Variants in GAK observed in about 807,000 individuals in gnomAD.
GAK encodes the protein cyclin G associated kinase.
GAK carries 79 observed loss-of-function variants against 143.9 expected under a neutral mutation model. The observed-to-expected ratio is 0.55, with a 90% CI of 0.46 to 0.66. The LOEUF (loss-of-function observed/expected upper bound fraction) is 0.66. GAK is among the 30% of genes least tolerant of loss of function. GAK has a pLI of 0.00. For synonymous variants in GAK, 881 were observed against 765.5 expected, an observed-to-expected ratio of 1.15 and a Z score of -2.49; for missense variants, 1,693 against 1,779.7, an observed-to-expected ratio of 0.95 and a Z score of 0.88.
chr4:866,771 G>A (rs1351947761), intron 21 of GAK, among the ~76,000 whole-genome samples, 185 bp downstream of exon 21: 1 of 152,180 alleles, frequency 6.6e-6, no homozygotes, highest in African/African-American at 2.4e-5. Flanking sequence ...GTAGCTCCCG[G>A]CCCGTGAGCT....
intron 7 of GAK, among the ~76,000 whole-genome samples, chr4:895,333 T>C (rs533628708): frequency 1.3e-5 from 2 of 152,302 alleles, no homozygotes; most frequent in Admixed American, 6.5e-5. Context: ...ATCAGGATCT[T>C]ATCCAGCCAA....
intron 1 of GAK, among the ~76,000 whole-genome samples, chr4:923,585 G>A (rs1724225760): frequency 6.6e-6 from 1 of 152,170 alleles, no homozygotes; most frequent in Admixed American, 6.5e-5. Flanking sequence ...TGAGGTGGGA[G>A]GATCGCTTGA....
At chr4:905,926 G>A (rs1466176593) in intron 4 of GAK, among the ~76,000 whole-genome samples, 1 of 152,250 alleles carries the variant, frequency 6.6e-6, no homozygotes, top group Non-Finnish European at 1.5e-5. Context: ...CCAGTGGCAG[G>A]GGTGGGCTCG....
At chr4:890,827 G>A (rs544212538) in intron 9 of GAK, among the ~76,000 whole-genome samples, 2 of 152,192 alleles carry the variant, frequency 1.3e-5, no homozygotes, top group Admixed American at 6.5e-5. Flanking sequence ...CTCACCCCGC[G>A]GCCTGCCTCG....
intron 7 of GAK, chr4:894,711 A>G (rs28410128): frequency 0.15 from 22,217 of 152,252 alleles, 1,743 homozygotes; most frequent in South Asian, 0.22. Context: ...GGCCGGGCGC[A>G]GTGGCTCACG....
chr4:926,382 G>A (rs184147943), intron 1 of GAK, among the ~76,000 whole-genome samples: 6 of 152,282 alleles, frequency 3.9e-5, no homozygotes, highest in East Asian at 1.9e-4. Context: ...GGCACAATGC[G>A]CAGAGCAACG....
In GAK at chr4:865,184, C is replaced by T; in HGVS notation, c.3104G>A (p.Gly1035Glu). The T allele has an allele frequency of 6.2e-7, 1 of 1,613,214 alleles. No individual in the cohort carries two copies. Among genetic ancestry groups the T allele is most frequent in the East Asian group, 2.2e-5 (1 of 44,866 alleles). Residue 1035 changes from glycine (G) to glutamate (E), a missense_variant, in exon 23 of 28, where the codon GGA (glycine) becomes GAA (glutamate). By Grantham distance (98) the Gly-to-Glu change is moderately conservative. This residue lies in a region of GAK where 822 missense variants were observed against 788.7 expected (regional missense o/e 1.04). Coordinates refer to ENST00000314167, the MANE Select transcript of GAK (RefSeq NM_005255.4). ...TASSSNPDLL[G>E]GWAAWTETAA... Reference sequence around the variant, plus strand: ...AGTCTCGGTCCAGGCAGCCCATCCTCCCAGCAGGTCTGGGTTGCTGGACGA... The same window carrying T: ...AGTCTCGGTCCAGGCAGCCCATCCTTCCAGCAGGTCTGGGTTGCTGGACGA...
At chr4:888,132 C>T (rs1441425639) in intron 11 of GAK, 1 of 152,294 alleles carries the variant, frequency 6.6e-6, no homozygotes, top group African/African-American at 2.4e-5. Context: ...GGAACGTGGG[C>T]CCACCAGGGG....
rs3214923 is a variant in GAK, at chr4:911,904, AC to A, written c.268-118del. The A allele has an allele frequency of 7.4e-4, 563 of 758,612 alleles. 6 individuals carry two copies. The East Asian group carries it at 0.016, about 21-fold the overall frequency. 47.0% of individuals were successfully genotyped at this position (758,612 alleles called of 1,614,324 possible). A position where few individuals can be genotyped will look rare whatever the true frequency, so the allele number is the denominator to read the frequency against. On this transcript the variant is annotated intron_variant, in intron 3 of 27. Transcript: ENST00000314167. ...GTCAGAATACTTGAATCGAACCCTT[AC>A]AATTTTAGACGTCAGAGCGGAAGAT...
chr4:849,644 CTG>C lies in GAK; in HGVS notation c.*27_*28del, dbSNP rs1209062329. The C allele has an allele frequency of 6.4e-7, 1 of 1,555,150 alleles. No individual in the cohort carries two copies. The highest frequency in any genetic ancestry group is 1.4e-5 in the African/African-American group (1 of 73,844). On this transcript the variant is annotated 3_prime_UTR_variant, in exon 28 of 28. Coordinates refer to ENST00000314167, the MANE Select transcript of GAK (RefSeq NM_005255.4). ...CCACGACGGCTCCCAACCTGTGGAGCTGTGTGCGCAGCCACCACCACTGCGGC... is the reference window on the plus strand; with the variant it reads ...CCACGACGGCTCCCAACCTGTGGAGCTGTGCGCAGCCACCACCACTGCGGC...
At chr4:904,910 A>C in intron 4 of GAK, 131 bp from the exon 5 acceptor site, 1 of 862,130 alleles carries the variant, frequency 1.2e-6, no homozygotes, top group Non-Finnish European at 1.8e-6. Flanking sequence ...CTAAGTAACA[A>C]AACGACCAGA....
intron 2 of GAK, 76 bp downstream of exon 2, chr4:913,531 T>A: frequency 9.0e-7 from 1 of 1,108,876 alleles, no homozygotes; most frequent in Non-Finnish European, 1.4e-6. Flanking sequence ...CAGGGACGCA[T>A]CCCTGAAAAG....
At chr4:881,184 C>T (rs1296547902) in intron 15 of GAK, among the ~76,000 whole-genome samples, 3 of 152,324 alleles carry the variant, frequency 2.0e-5, no homozygotes, top group Admixed American at 1.3e-4. Flanking sequence ...GCTTGGGTCC[C>T]TCCTCTTCCC....
intron 1 of GAK, among the ~76,000 whole-genome samples, chr4:917,688 C>T (rs1487219477): frequency 1.3e-5 from 2 of 152,270 alleles, no homozygotes; most frequent in Non-Finnish European, 2.9e-5. Context: ...CGCTGACGCA[C>T]ATGTTTGCTG....
intron 1 of GAK, among the ~76,000 whole-genome samples, chr4:923,588 T>C (rs1196625722): frequency 6.6e-6 from 1 of 151,968 alleles, no homozygotes; most frequent in Non-Finnish European, 1.5e-5. Context: ...GGTGGGAGGA[T>C]CGCTTGAGTC....
chr4:870,987 G>A, intron 18 of GAK, 83 bp from the exon 19 acceptor site: 2 of 1,235,890 alleles, frequency 1.6e-6, no homozygotes, highest in Non-Finnish European at 2.3e-6. Context: ...AAACGTGCAT[G>A]GAAACAGGTG....
intron 4 of GAK, among the ~76,000 whole-genome samples, chr4:905,996 G>A (rs747957922): frequency 2.0e-5 from 3 of 152,254 alleles, no homozygotes; most frequent in Non-Finnish European, 4.4e-5. Context: ...ACGCCCAAGC[G>A]TCACCGAAGC....
chr4:929,288 A>T (rs554609481), intron 1 of GAK, among the ~76,000 whole-genome samples: 1 of 152,352 alleles, frequency 6.6e-6, no homozygotes, highest in Non-Finnish European at 1.5e-5. Flanking sequence ...CAAATTACAT[A>T]CAACACCCAA....
At chr4:886,615 CCT>C (rs978287119) in intron 11 of GAK, 2 of 152,416 alleles carry the variant, frequency 1.3e-5, no homozygotes, top group South Asian at 2.1e-4. Context: ...GCTGCCGCAT[CCT>C]CTCTGTCTTG....
Sources: gnomAD v4.1 joint callset for allele counts (sites outside exome capture counted in the v4.1 genomes callset) on GRCh38, gnomAD v4.1.1 for gene constraint, gnomAD v4.1.1 regional missense constraint, MANE v1.5 for transcripts, NCBI Gene and HGNC (gene_info 2026-07-23, HGNC 2026-07-21) for gene names.